The following CTNNA2 variants were observed in gnomAD, a reference collection of about 807,000 sequenced individuals.
CTNNA2 encodes the protein catenin alpha-2.
A neutral mutation model predicts 101.0 loss-of-function variants in CTNNA2; 42 were observed. The observed-to-expected ratio is 0.42, with a 90% CI of 0.32 to 0.54. The LOEUF is 0.54. Among genes scored for constraint, CTNNA2 ranks in the 20% least tolerant of loss-of-function variants. CTNNA2 has a pLI of 0.14. For synonymous variants in CTNNA2, 450 were observed against 456.4 expected, an observed-to-expected ratio of 0.99 and a Z score of 0.18; for missense variants, 871 against 1,223.1, an observed-to-expected ratio of 0.71 and a Z score of 4.29.
intron 2 of CTNNA2, among the ~76,000 whole-genome samples, chr2:79,202,082 C>T (rs976238705): frequency 6.6e-6 from 1 of 152,152 alleles, no homozygotes. Context: ...CCATTGAATA[C>T]ACAATTTACT....
At chr2:80,565,049 T>G (rs1693932897) in intron 12 of CTNNA2, among the ~76,000 whole-genome samples, 1 of 152,144 alleles carries the variant, frequency 6.6e-6, no homozygotes. Flanking sequence ...ATTAAATAAT[T>G]AAAGTGGTGT....
chr2:79,363,496 G>T (rs964476374), intron 3 of CTNNA2, among the ~76,000 whole-genome samples: 2 of 151,770 alleles, frequency 1.3e-5, no homozygotes, highest in African/African-American at 4.8e-5. Flanking sequence ...TAAAGTGCTT[G>T]GTCTAGTATC....
intron 7 of CTNNA2, among the ~76,000 whole-genome samples, chr2:80,002,141 A>G (rs78540741): frequency 2.5e-4 from 38 of 152,316 alleles, no homozygotes; most frequent in Non-Finnish European, 2.6e-4. Context: ...AAGAAATGCA[A>G]TGGTTGATAA....
At chr2:79,448,752 G>T (rs546354361) in intron 4 of CTNNA2, among the ~76,000 whole-genome samples, 1 of 152,164 alleles carries the variant, frequency 6.6e-6, no homozygotes, top group African/African-American at 2.4e-5. Context: ...TCTTCTGGCT[G>T]CTCAAAGACA....
chr2:80,138,895 T>C (rs373295818), intron 7 of CTNNA2, among the ~76,000 whole-genome samples: 1 of 152,156 alleles, frequency 6.6e-6, no homozygotes, highest in East Asian at 1.9e-4. Context: ...GTGTCCACTT[T>C]TTTTGTGCCC....
intron 4 of CTNNA2, among the ~76,000 whole-genome samples, chr2:79,859,106 C>A (rs1265254755): frequency 6.6e-6 from 1 of 151,978 alleles, no homozygotes; most frequent in Non-Finnish European, 1.5e-5. Context: ...CAACTCTGGA[C>A]TGATCGCAGG....
At chr2:80,604,027 TC>T in intron 15 of CTNNA2, 46 bp from the exon 16 acceptor site, 1 of 1,544,752 alleles carries the variant, frequency 6.5e-7, no homozygotes, top group Non-Finnish European at 8.9e-7. Flanking sequence ...TTGGTCTCTT[TC>T]CCGTCATTAA....
intron 2 of CTNNA2, among the ~76,000 whole-genome samples, chr2:79,268,560 G>C (rs771986564): frequency 1.2e-4 from 19 of 152,246 alleles, no homozygotes; most frequent in Admixed American, 2.0e-4. Flanking sequence ...TTTATAGCCG[G>C]TTAGAGGCAC....
At chr2:80,625,383 G>C (rs898700658) in intron 18 of CTNNA2, among the ~76,000 whole-genome samples, 1 of 151,972 alleles carries the variant, frequency 6.6e-6, no homozygotes, top group Non-Finnish European at 1.5e-5. Context: ...TGCTCTGGAG[G>C]AAATACTATC....
intron 7 of CTNNA2, among the ~76,000 whole-genome samples, chr2:80,003,451 A>T (rs1334089101): frequency 6.6e-6 from 1 of 152,200 alleles, no homozygotes; most frequent in East Asian, 1.9e-4. Flanking sequence ...GCAATAATGC[A>T]GCTTCCCCTG....
At chr2:80,350,305 A>G (rs1284033642) in intron 7 of CTNNA2, among the ~76,000 whole-genome samples, 1 of 152,176 alleles carries the variant, frequency 6.6e-6, no homozygotes, top group Non-Finnish European at 1.5e-5. Context: ...TCCGAATGAA[A>G]TGGTAAGTTT....
chr2:79,222,102 C>T (rs1674352456), intron 2 of CTNNA2, among the ~76,000 whole-genome samples: 1 of 152,132 alleles, frequency 6.6e-6, no homozygotes, highest in Non-Finnish European at 1.5e-5. Flanking sequence ...GTTCAGAGAG[C>T]CCCGTAATTG....
chr2:79,928,604 CTA>C (rs1266145584), intron 7 of CTNNA2, among the ~76,000 whole-genome samples: 9 of 152,152 alleles, frequency 5.9e-5, no homozygotes, highest in Non-Finnish European at 8.8e-5. Flanking sequence ...AAGAAATAAA[CTA>C]TTACCTACCA....
intron 4 of CTNNA2, among the ~76,000 whole-genome samples, chr2:79,404,495 T>A (rs2104483944): frequency 6.6e-6 from 1 of 152,200 alleles, no homozygotes; most frequent in Non-Finnish European, 1.5e-5. Flanking sequence ...GCATGGACAC[T>A]TCATTGAAAA....
chr2:80,166,205 C>A (rs1017690716), intron 7 of CTNNA2, among the ~76,000 whole-genome samples: 29 of 152,058 alleles, frequency 1.9e-4, no homozygotes, highest in African/African-American at 7.0e-4. Flanking sequence ...TTCAACCATA[C>A]CTGAGTTTAG....
At chr2:79,372,558 A>G (rs1222999797) in intron 3 of CTNNA2, among the ~76,000 whole-genome samples, 1 of 152,186 alleles carries the variant, frequency 6.6e-6, no homozygotes, top group East Asian at 1.9e-4. Flanking sequence ...AAGAAAACTA[A>G]AAGATTCCTG....
intron 6 of CTNNA2, among the ~76,000 whole-genome samples, chr2:79,907,190 T>C (rs2104309342): frequency 6.6e-6 from 1 of 152,322 alleles, no homozygotes; most frequent in East Asian, 1.9e-4. Flanking sequence ...TTTCATTATG[T>C]TTTATGTTAA....
At chr2:80,156,245 A>G (rs1267165177) in intron 7 of CTNNA2, among the ~76,000 whole-genome samples, 3 of 152,190 alleles carry the variant, frequency 2.0e-5, no homozygotes, top group Non-Finnish European at 4.4e-5. Context: ...CTCACTGTGA[A>G]TCCCATCCGC....
chr2:79,278,819 A>G (rs1426419018), intron 2 of CTNNA2, among the ~76,000 whole-genome samples: 3 of 152,128 alleles, frequency 2.0e-5, no homozygotes, highest in Non-Finnish European at 4.4e-5. Context: ...AGAGAAAAGA[A>G]GAGGGTAAAG....
Sources: allele counts gnomAD v4.1 joint callset (sites outside exome capture counted in the v4.1 genomes callset), GRCh38; gene constraint gnomAD v4.1.1; transcripts MANE v1.5; gene names NCBI Gene and HGNC (gene_info 2026-07-23, HGNC 2026-07-21).